The following KIF13B variants were observed in gnomAD, a reference collection of about 807,000 sequenced individuals.
The protein encoded by KIF13B is kinesin family member 13B.
KIF13B carries 127 observed loss-of-function variants against 222.0 expected under a neutral mutation model. That is an observed-to-expected ratio of 0.57 (90% CI 0.50 to 0.66). KIF13B has a LOEUF of 0.66. Ranked by LOEUF, KIF13B falls within the 30% of genes least tolerant of loss-of-function variation. KIF13B has a pLI of 0.00. For missense variants in KIF13B, 2,173 were observed against 2,379.0 expected (o/e 0.91, Z 1.80); for synonymous variants, 976 against 919.0 (o/e 1.06, Z -1.12).
Position 29,085,705 on chromosome 8 carries a change from CT to C in KIF13B, c.4458+7039del, listed in dbSNP as rs71222589. Among the ~76,000 whole-genome samples, 161 of 48,760 alleles carry C rather than the reference CT, an allele frequency of 3.3e-3. 2 individuals carry two copies. Among genetic ancestry groups the C allele is most frequent in the Non-Finnish European group, 4.7e-3 (124 of 26,454 alleles). 32.0% of individuals were successfully genotyped at this position (48,760 alleles called of 152,430 possible). A position where few individuals can be genotyped will look rare whatever the true frequency, so the allele number is the denominator to read the frequency against. ...GTTTTTAAGTAACAGAAATACTCTT[CT>C]TTTTTTTTTTTTTTTTTTTTTTTTT... On this transcript the variant is annotated intron_variant, in intron 37 of 39. Transcript: ENST00000524189.
intron 1 of KIF13B, 37 bp from the exon 2 acceptor site, chr8:29,245,476 A>G: frequency 6.9e-7 from 1 of 1,452,160 alleles, no homozygotes; most frequent in Non-Finnish European, 9.4e-7. Flanking sequence ...GTCATTTTAA[A>G]AAGTAATTTA....
intron 37 of KIF13B, 150 bp from the exon 38 acceptor site, chr8:29,075,493 G>A: frequency 3.0e-6 from 2 of 666,352 alleles, no homozygotes; most frequent in Non-Finnish European, 5.0e-6. Flanking sequence ...ACCCTCCAAG[G>A]AACAAGGGAC....
intron 2 of KIF13B, among the ~76,000 whole-genome samples, chr8:29,238,102 T>C (rs1418525408): frequency 1.3e-5 from 2 of 152,234 alleles, no homozygotes; most frequent in African/African-American, 4.8e-5. Context: ...AACAGGTCTA[T>C]TGTGGGTACC....
chr8:29,153,373 T>C (rs1418959589), intron 14 of KIF13B, among the ~76,000 whole-genome samples: 4 of 152,214 alleles, frequency 2.6e-5, no homozygotes, highest in African/African-American at 7.2e-5. Flanking sequence ...TAACTTCCCA[T>C]AGCAAGGAAA....
At chr8:29,112,992 A>G (rs1024430054) in intron 32 of KIF13B, among the ~76,000 whole-genome samples, 2 of 152,236 alleles carry the variant, frequency 1.3e-5, no homozygotes, top group African/African-American at 4.8e-5. Context: ...CACGCACAAC[A>G]ATTGGTACAC....
chr8:29,148,227 A>G (rs1811143063), intron 16 of KIF13B, among the ~76,000 whole-genome samples: 1 of 152,194 alleles, frequency 6.6e-6, no homozygotes, highest in South Asian at 2.1e-4. Flanking sequence ...TAAAATAAAC[A>G]AGAGAGATTC....
intron 37 of KIF13B, among the ~76,000 whole-genome samples, chr8:29,087,047 G>C (rs2133527849): frequency 6.6e-6 from 1 of 152,358 alleles, no homozygotes; most frequent in African/African-American, 2.4e-5. Context: ...GCGCAGGGCA[G>C]TCCAGCCACC....
intron 36 of KIF13B, among the ~76,000 whole-genome samples, 191 bp downstream of exon 36, chr8:29,098,942 A>G (rs988213714): frequency 4.6e-5 from 7 of 152,254 alleles, no homozygotes; most frequent in Non-Finnish European, 8.8e-5. Flanking sequence ...CAGGCGGTAT[A>G]TATCAGAGCA....
intron 26 of KIF13B, among the ~76,000 whole-genome samples, chr8:29,125,465 T>C (rs1036214517): frequency 1.3e-5 from 2 of 152,312 alleles, no homozygotes; most frequent in South Asian, 2.1e-4. Flanking sequence ...AGGACTCAAA[T>C]ATCACATCCG....
In KIF13B at chr8:29,072,109, T is replaced by G; in HGVS notation, c.4729A>C (p.Thr1577Pro). 1 of 1,356,450 alleles carries G rather than the reference T, an allele frequency of 7.4e-7. No individual in the cohort carries two copies. The highest frequency in any genetic ancestry group is 1.9e-5 in the South Asian group (1 of 51,412). 84.0% of individuals were successfully genotyped at this position (1,356,450 alleles called of 1,614,324 possible). A position where few individuals can be genotyped will look rare whatever the true frequency, so the allele number is the denominator to read the frequency against. The change falls in exon 39 of 40, where the codon ACC becomes CCC. Residue 1577 changes from threonine (T) to proline (P), a missense_variant. This residue lies in a region of KIF13B where 693 missense variants were observed against 656.2 expected (regional missense o/e 1.06). Coordinates refer to ENST00000524189, the MANE Select transcript of KIF13B (RefSeq NM_015254.4). ...CCGGGGCCCAGGGCGTCCGACAGGG[T>G]CGCGGTGGAGACGCTGTGGGAGAAG... ...GYFSHSVSTA[T>P]LSDALGPGLD... is the part of the protein sequence containing the mutation.
rs185886493 is a variant in KIF13B at position 29,240,480 on chromosome 8, A to C, written c.149+4866T>G. ...TATGTGAACAGAAGGCAGTTCACAT[A>C]GGTTTAAACTGCATTGGAAAGGATT... On this transcript the variant is annotated intron_variant, in intron 2 of 39. Coordinates refer to ENST00000524189, the MANE Select transcript of KIF13B (RefSeq NM_015254.4). Among the ~76,000 whole-genome samples the C allele has an allele frequency of 4.1e-3, 622 of 152,366 alleles. 6 individuals are homozygous for C. The highest frequency in any genetic ancestry group is 0.014 in the African/African-American group (570 of 41,582).
At chr8:29,087,255 G>A (rs1274304083) in intron 37 of KIF13B, among the ~76,000 whole-genome samples, 5 of 152,176 alleles carry the variant, frequency 3.3e-5, no homozygotes, top group African/African-American at 9.7e-5. Flanking sequence ...GTCACTCTGC[G>A]GCTTGACAAG....
At chr8:29,212,948 C>T in intron 2 of KIF13B, among the ~76,000 whole-genome samples, 1 of 151,222 alleles carries the variant, frequency 6.6e-6, no homozygotes, top group East Asian at 1.9e-4. Context: ...TGTAATAGTC[C>T]CAAGCAGCTA....
At chr8:29,254,941 G>T (rs932192907) in intron 1 of KIF13B, among the ~76,000 whole-genome samples, 7 of 152,214 alleles carry the variant, frequency 4.6e-5, no homozygotes, top group Admixed American at 4.6e-4. Context: ...CTGTGTAACA[G>T]AATGTTGTTC....
intron 2 of KIF13B, among the ~76,000 whole-genome samples, chr8:29,238,069 G>A (rs1360346553): frequency 6.6e-6 from 1 of 152,182 alleles, no homozygotes; most frequent in African/African-American, 2.4e-5. Context: ...CCCCACTCAA[G>A]TCATTTCACA....
chr8:29,262,059 A>AC (rs999868272), intron 1 of KIF13B, among the ~76,000 whole-genome samples: 7 of 152,112 alleles, frequency 4.6e-5, no homozygotes, highest in East Asian at 3.9e-4. Context: ...AGTAATAGTG[A>AC]CCCCCAATGA....
chr8:29,098,333 T>C (rs1158644218), intron 36 of KIF13B, among the ~76,000 whole-genome samples: 2 of 151,814 alleles, frequency 1.3e-5, no homozygotes, highest in South Asian at 2.1e-4. Context: ...CCGGGTGCAG[T>C]AGCTCACGCC....
At chr8:29,140,378 C>T (rs563385440) in intron 20 of KIF13B, 90 bp downstream of exon 20, 5 of 1,451,632 alleles carry the variant, frequency 3.4e-6, no homozygotes, top group Non-Finnish European at 4.7e-6. Flanking sequence ...AGACACGTTA[C>T]TGACAAAAAA....
rs1354784855 is a variant in KIF13B at position 29,148,585 on chromosome 8, C to T, written c.1805G>A (p.Gly602Asp). 1.2e-6 allele frequency: 2 copies of T among 1,602,898 alleles called. No individual in the cohort carries two copies. Among genetic ancestry groups the T allele is most frequent in the East Asian group, 2.2e-5 (1 of 44,658 alleles). The part of the protein sequence containing the change: ...AQMEVTMKAL[G>D]SNDPMQSILN... ...ACGCCCGACTTGCTCACCATTGCTG[C>T]CCAGGGCCTTCATGGTGACCTCCAT... Residue 602 changes from glycine to aspartate, a missense_variant, in exon 16 of 40, where the codon GGC (glycine) becomes GAC (aspartate). Physicochemically the swap from Gly to Asp is moderately conservative, Grantham distance 94. This residue lies in a region of KIF13B where 1,480 missense variants were observed against 1,722.8 expected (regional missense o/e 0.86). Coordinates refer to ENST00000524189, the MANE Select transcript of KIF13B (RefSeq NM_015254.4).
Sources: allele counts gnomAD v4.1 joint callset (sites outside exome capture counted in the v4.1 genomes callset), GRCh38; gene constraint gnomAD v4.1.1; regional missense constraint gnomAD v4.1.1; transcripts MANE v1.5; gene names NCBI Gene and HGNC (gene_info 2026-07-23, HGNC 2026-07-21).